The following ADAT1 variants were observed in gnomAD, a reference collection of about 807,000 sequenced individuals.
ADAT1 encodes the protein tRNA-specific adenosine deaminase 1.
A neutral mutation model predicts 58.6 loss-of-function variants in ADAT1; 58 were observed. The ratio of observed to expected loss-of-function variants is 0.99; its 90% CI spans 0.80 to 1.23. The LOEUF is 1.23. Among genes scored for constraint, ADAT1 ranks in the 50% most tolerant of loss-of-function variants. The probability of loss-of-function intolerance (pLI) is 0.00; values close to 1 mark genes in which losing one functional copy is unlikely to be tolerated. For missense variants in ADAT1, 741 were observed against 608.6 expected, an observed-to-expected ratio of 1.22 and a Z score of -2.29; for synonymous variants, 254 against 220.8, an observed-to-expected ratio of 1.15 and a Z score of -1.33.
At chr16:75,617,342 T>C (rs2081767490) in intron 4 of ADAT1, 70 bp from the exon 5 acceptor site, 6 of 1,555,660 alleles carry the variant, frequency 3.9e-6, no homozygotes, top group Non-Finnish European at 4.4e-6. Context: ...TCTGGTTGGG[T>C]GATTACTAAG....
rs1320258327 is a variant in ADAT1 at position 75,597,789 on chromosome 16, T to C, written c.*2427A>G. 2.0e-5 allele frequency among the ~76,000 whole-genome samples: 3 copies of C among 152,126 alleles called. No individual in the cohort carries two copies. Among genetic ancestry groups the C allele is most frequent in the African/African-American group, 4.8e-5 (2 of 41,438 alleles). Reference sequence around the variant, plus strand: ...GATCCCTTGCATGCACAGTTCACAATAGGATTCACGCTCCTATGAGAATCT... The same window carrying C: ...GATCCCTTGCATGCACAGTTCACAACAGGATTCACGCTCCTATGAGAATCT... On this transcript the variant is annotated 3_prime_UTR_variant, in exon 10 of 10. Coordinates refer to ENST00000564657, the MANE Select transcript of ADAT1 (RefSeq NM_001324445.2).
chr16:75,611,273 G>C (rs1231707799), intron 6 of ADAT1, among the ~76,000 whole-genome samples: 1 of 152,108 alleles, frequency 6.6e-6, no homozygotes, highest in Non-Finnish European at 1.5e-5. Context: ...TAATACCTTA[G>C]CGCTCATCCT....
rs1283248875 is a variant in ADAT1, at chr16:75,599,167, C to T, written c.*1049G>A. On this transcript the variant is annotated 3_prime_UTR_variant, in exon 10 of 10. Transcript: ENST00000564657. ...TACGATCTTTGCTCACCACTACCTC[C>T]GCCTCCTGGGTTCAAGCAATTCTCC... 1.0e-5 allele frequency: 10 copies of T among 957,772 alleles called. No individual in the cohort carries two copies. The highest frequency in any genetic ancestry group is 1.2e-4 in the East Asian group (1 of 8,558). 59.3% of individuals were successfully genotyped at this position (957,772 alleles called of 1,614,324 possible).
chr16:75,610,567 G>C (rs143681907), intron 6 of ADAT1, among the ~76,000 whole-genome samples: 1 of 152,236 alleles, frequency 6.6e-6, no homozygotes, highest in Non-Finnish European at 1.5e-5. Flanking sequence ...AAGATGCTAG[G>C]ATTACAGGCA....
At chr16:75,621,817 C>T (rs1310303896) in intron 1 of ADAT1, among the ~76,000 whole-genome samples, 12 of 150,884 alleles carry the variant, frequency 8.0e-5, no homozygotes, top group African/African-American at 3.0e-4. Flanking sequence ...CTAGGCACAT[C>T]CTGATCTCAT....
chr16:75,603,952 C>T (rs984328300), intron 8 of ADAT1, among the ~76,000 whole-genome samples: 7 of 121,794 alleles, frequency 5.7e-5, no homozygotes, highest in African/African-American at 2.0e-4. Context: ...ATCTCCCTTA[C>T]CTGGCTGGAA....
intron 8 of ADAT1, among the ~76,000 whole-genome samples, chr16:75,607,707 C>T (rs894790662): frequency 6.6e-6 from 1 of 152,188 alleles, no homozygotes; most frequent in Non-Finnish European, 1.5e-5. Flanking sequence ...TACCATATGA[C>T]CCAGTAACAC....
At chr16:75,600,917 C>G (rs2081211590) in intron 9 of ADAT1, among the ~76,000 whole-genome samples, 1 of 152,198 alleles carries the variant, frequency 6.6e-6, no homozygotes, top group South Asian at 2.1e-4. Context: ...TAGAGCAACT[C>G]TGTCTCCTTT....
chr16:75,615,679 G>C (rs1194827356), intron 5 of ADAT1, among the ~76,000 whole-genome samples: 1 of 152,064 alleles, frequency 6.6e-6, no homozygotes, highest in African/African-American at 2.4e-5. Flanking sequence ...TCCACAATAA[G>C]GCTATAGCTG....
intron 7 of ADAT1, 45 bp from the exon 8 acceptor site, chr16:75,608,368 G>A (rs374261128): frequency 3.7e-5 from 54 of 1,463,222 alleles, no homozygotes; most frequent in Non-Finnish European, 4.8e-5. Context: ...TCAATTTCTT[G>A]TGAAAGTCAG....
intron 5 of ADAT1, among the ~76,000 whole-genome samples, chr16:75,613,825 T>C (rs559876288): frequency 3.9e-5 from 6 of 152,302 alleles, no homozygotes; most frequent in African/African-American, 1.4e-4. Context: ...GAACAAGGTT[T>C]CCCAAGTGCA....
intron 6 of ADAT1, among the ~76,000 whole-genome samples, chr16:75,609,366 A>G: frequency 6.6e-6 from 1 of 152,176 alleles, no homozygotes; most frequent in East Asian, 1.9e-4. Flanking sequence ...TAAAAGCTTC[A>G]TTTTTTTCTC....
At position 75,600,187 on chromosome 16, in the gene ADAT1, G is replaced by T. The variant is rs188035836; in HGVS notation, c.*29C>A. 3.1e-6 allele frequency: 5 copies of T among 1,613,256 alleles called. No individual in the cohort carries two copies. In the East Asian group the frequency reaches 1.1e-4, roughly 36 times the overall value. The stretch of plus-strand genomic sequence containing the variant: ...GGAGGAAGGCAGTTCAGGATGAAGG[G>T]TCCTGCTACCAGAGCAAACATTTCC... On this transcript the variant is annotated 3_prime_UTR_variant, in exon 10 of 10. Transcript: ENST00000564657.
In ADAT1 at chr16:75,603,086, T is replaced by C; in HGVS notation, c.1375A>G (p.Arg459Gly). The change falls in exon 9 of 10, where the codon AGG becomes GGG. Residue 459 changes from arginine (R) to glycine (G), a missense_variant and splice_region_variant. Coordinates refer to ENST00000564657, the MANE Select transcript of ADAT1 (RefSeq NM_001324445.2). Reference protein sequence around the residue: ...IARDKWPHSLRVQKLDTYQEY... With the variant: ...IARDKWPHSLGVQKLDTYQEY... ...GAAAACATAGGTCAACAGCATCACC[T>C]GAGGGAGTGTGGCCACTTGTCCCTT... 6.2e-7 allele frequency: 1 copy of C among 1,613,608 alleles called. No homozygotes were observed. The highest frequency in any genetic ancestry group is 1.1e-5 in the South Asian group (1 of 91,072).
chr16:75,616,561 G>T (rs548808410), intron 5 of ADAT1, among the ~76,000 whole-genome samples: 1 of 152,232 alleles, frequency 6.6e-6, no homozygotes, highest in South Asian at 2.1e-4. Flanking sequence ...AAAAACAAAA[G>T]ACGGAAATGA....
At position 75,622,467 on chromosome 16, in the gene ADAT1, G is replaced by C. The variant is rs2081962733; in HGVS notation, c.-86C>G. The C allele has an allele frequency of 1.3e-5, 2 of 152,162 alleles. No individual in the cohort carries two copies. The highest frequency in any genetic ancestry group is 3.2e-3 in the Middle Eastern group (1 of 316). 9.4% of individuals were successfully genotyped at this position (152,162 alleles called of 1,614,324 possible). A position where few individuals can be genotyped will look rare whatever the true frequency, so the allele number is the denominator to read the frequency against. ...ATGAAGACCACCTGGCCATCGACCTGAAATTAAACCAGAGGTGCAATTCAC... is the reference window on the plus strand; with the variant it reads ...ATGAAGACCACCTGGCCATCGACCTCAAATTAAACCAGAGGTGCAATTCAC... On this transcript the variant is annotated 5_prime_UTR_variant, in exon 1 of 10. Transcript: ENST00000564657.
At chr16:75,616,793 A>T (rs1753290650) in intron 5 of ADAT1, among the ~76,000 whole-genome samples, 1 of 152,212 alleles carries the variant, frequency 6.6e-6, no homozygotes, top group Admixed American at 6.5e-5. Context: ...TGACTAAATG[A>T]ACGAAATGAG....
chr16:75,620,565 A>T lies in ADAT1; in HGVS notation c.169+66T>A. 3.2e-6 allele frequency: 5 copies of T among 1,557,262 alleles called. 1 individual carries two copies. The South Asian group carries it at 5.8e-5, about 18-fold the overall frequency. The stretch of plus-strand genomic sequence containing the variant: ...ACCCTACCCACGACTGTACCCTCAC[A>T]GTACAGCAATGCATAATTTTACCAT... On this transcript the variant is annotated intron_variant, in intron 2 of 9. Transcript: ENST00000564657.
chr16:75,610,916 A>G (rs933657497), intron 6 of ADAT1, among the ~76,000 whole-genome samples: 8 of 152,218 alleles, frequency 5.3e-5, no homozygotes, highest in African/African-American at 1.9e-4. Context: ...GTTCAAGACC[A>G]GCCTGGGTAA....
Sources: allele counts gnomAD v4.1 joint callset (sites outside exome capture counted in the v4.1 genomes callset), GRCh38; gene constraint gnomAD v4.1.1; transcripts MANE v1.5; gene names NCBI Gene and HGNC (gene_info 2026-07-23, HGNC 2026-07-21).